ADAMTSL1: variants seen among roughly 807,000 people sequenced by gnomAD.
The protein encoded by ADAMTSL1 is ADAMTS-like protein 1.
ADAMTSL1 carries 126 observed loss-of-function variants against 201.8 expected under a neutral mutation model. The ratio of observed to expected loss-of-function variants is 0.62; its 90% confidence interval spans 0.54 to 0.72. The LOEUF (loss-of-function observed/expected upper bound fraction) is 0.72. Among genes scored for constraint, ADAMTSL1 ranks in the 30% least tolerant of loss-of-function variants. The pLI is 0.00. For synonymous variants in ADAMTSL1, 1,121 were observed against 903.4 expected (o/e 1.24, Z -4.32); for missense variants, 2,679 against 2,277.8 (o/e 1.18, Z -3.59).
intron 1 of ADAMTSL1, among the ~76,000 whole-genome samples, chr9:17,933,632 C>T (rs1826889178): frequency 6.6e-6 from 1 of 152,078 alleles, no homozygotes; most frequent in African/African-American, 2.4e-5. Flanking sequence ...GGAAGCATGG[C>T]TGGGGAGGCC....
intron 5 of ADAMTSL1, among the ~76,000 whole-genome samples, chr9:18,632,081 C>CA (rs1826817222): frequency 1.3e-5 from 2 of 152,142 alleles, no homozygotes; most frequent in Admixed American, 1.3e-4. Context: ...GTGGCCCCTG[C>CA]CTCGCCAGCT....
intron 1 of ADAMTSL1, among the ~76,000 whole-genome samples, chr9:17,950,274 A>T (rs933499376): frequency 1.3e-5 from 2 of 152,136 alleles, no homozygotes; most frequent in African/African-American, 4.8e-5. Flanking sequence ...ACCATAGTAC[A>T]GTATTTTACA....
intron 1 of ADAMTSL1, among the ~76,000 whole-genome samples, chr9:18,025,368 T>C (rs1378684754): frequency 1.3e-5 from 2 of 152,308 alleles, no homozygotes; most frequent in Admixed American, 6.5e-5. Flanking sequence ...GGTTTTCTTC[T>C]AGGATTTTTA....
chr9:18,180,532 C>CAAAAAAAAAAAAAAAAAAA (rs71333030), intron 2 of ADAMTSL1, among the ~76,000 whole-genome samples: 1 of 92,148 alleles, frequency 1.1e-5, no homozygotes, highest in Non-Finnish European at 2.0e-5. Flanking sequence ...GACTCCGTGT[C>CAAAAAAAAAAAAAAAAAAA]AAAAAAAAAA....
chr9:18,058,727 T>C (rs1822308139), intron 1 of ADAMTSL1, among the ~76,000 whole-genome samples: 1 of 152,152 alleles, frequency 6.6e-6, no homozygotes, highest in South Asian at 2.1e-4. Flanking sequence ...AGAGAGACTA[T>C]ATTAAAACAT....
At chr9:18,076,822 C>T (rs1012702679) in intron 1 of ADAMTSL1, among the ~76,000 whole-genome samples, 4 of 151,868 alleles carry the variant, frequency 2.6e-5, no homozygotes, top group East Asian at 1.9e-4. Flanking sequence ...GTTTTGATAA[C>T]GTGTGGAGTG....
At chr9:18,287,625 A>AG (rs1563860051) in intron 2 of ADAMTSL1, among the ~76,000 whole-genome samples, 3 of 135,150 alleles carry the variant, frequency 2.2e-5, no homozygotes. Context: ...ATGTGTATAC[A>AG]TATACGCATA....
intron 20 of ADAMTSL1, among the ~76,000 whole-genome samples, chr9:18,814,100 C>T (rs1041382838): frequency 2.0e-5 from 3 of 152,170 alleles, no homozygotes; most frequent in Non-Finnish European, 2.9e-5. Context: ...GATGATACCT[C>T]ACTGTGGTTT....
At chr9:18,811,020 AAAAAAAAAAAAAAAAC>A (rs1823468744) in intron 20 of ADAMTSL1, among the ~76,000 whole-genome samples, 4 of 148,898 alleles carry the variant, frequency 2.7e-5, no homozygotes, top group Non-Finnish European at 5.9e-5. Flanking sequence ...ACCAAAAAAA[AAAAAAAAAAAAAAAAC>A]AAACACCAGC....
chr9:18,831,080 A>G (rs1023712655), intron 23 of ADAMTSL1, among the ~76,000 whole-genome samples: 1 of 152,132 alleles, frequency 6.6e-6, no homozygotes, highest in African/African-American at 2.4e-5. Flanking sequence ...CAGAAACATG[A>G]CCCTCAATTT....
chr9:18,051,856 G>T (rs1272555154), intron 1 of ADAMTSL1, among the ~76,000 whole-genome samples: 1 of 152,194 alleles, frequency 6.6e-6, no homozygotes, highest in Non-Finnish European at 1.5e-5. Context: ...AAAAGTAGGT[G>T]ACCACGTCAA....
chr9:17,919,400 A>G (rs1306434871), intron 1 of ADAMTSL1, among the ~76,000 whole-genome samples: 2 of 151,998 alleles, frequency 1.3e-5, no homozygotes, highest in African/African-American at 4.8e-5. Context: ...TCACAGTTAC[A>G]TTAAACCATC....
At position 18,058,568 on chromosome 9, in the gene ADAMTSL1, G is replaced by C. The variant is rs143302416; in HGVS notation, c.88-105294G>C. 3.9e-3 allele frequency among the ~76,000 whole-genome samples: 596 copies of C among 151,940 alleles called. 5 individuals carry two copies. The highest frequency in any genetic ancestry group is 0.014 in the African/African-American group (569 of 41,416). On this transcript the variant is annotated intron_variant, in intron 1 of 29. Transcript: ENST00000680146. ...GATTATAACTATAAACGAGGATCTG[G>C]GGATGAATGGAATTTCACTGATAAA...
chr9:18,384,528 C>T (rs1487252083), intron 2 of ADAMTSL1, among the ~76,000 whole-genome samples: 1 of 152,170 alleles, frequency 6.6e-6, no homozygotes, highest in East Asian at 1.9e-4. Flanking sequence ...TCACAGCTCC[C>T]TAAGAAGTCT....
intron 2 of ADAMTSL1, among the ~76,000 whole-genome samples, chr9:18,164,851 T>G (rs1007626121): frequency 3.3e-5 from 5 of 151,938 alleles, no homozygotes; most frequent in African/African-American, 4.8e-5. Flanking sequence ...GTGTCACATG[T>G]GTTTCTTTCA....
At chr9:18,161,617 T>C (rs964193887) in intron 1 of ADAMTSL1, among the ~76,000 whole-genome samples, 1 of 152,058 alleles carries the variant, frequency 6.6e-6, no homozygotes, top group Non-Finnish European at 1.5e-5. Context: ...AGCCATTCCT[T>C]ACCTAGAGCT....
chr9:18,422,943 T>A (rs551302083), intron 2 of ADAMTSL1, among the ~76,000 whole-genome samples: 1 of 152,170 alleles, frequency 6.6e-6, no homozygotes, highest in South Asian at 2.1e-4. Context: ...TGTTATCCAA[T>A]AGTGTTAATT....
chr9:18,160,825 A>C, intron 1 of ADAMTSL1, among the ~76,000 whole-genome samples: 1 of 148,330 alleles, frequency 6.7e-6, no homozygotes, highest in Non-Finnish European at 1.5e-5. Context: ...GACTACCTGC[A>C]CATACCACCA....
intron 1 of ADAMTSL1, among the ~76,000 whole-genome samples, chr9:18,150,006 G>A (rs1826838433): frequency 1.3e-5 from 2 of 152,038 alleles, no homozygotes; most frequent in South Asian, 4.1e-4. Flanking sequence ...GAACACATTT[G>A]GAAAGGCTGG....
Sources: gnomAD v4.1 joint callset for allele counts (sites outside exome capture counted in the v4.1 genomes callset) on GRCh38, gnomAD v4.1.1 for gene constraint, MANE v1.5 for transcripts, NCBI Gene and HGNC (gene_info 2026-07-23, HGNC 2026-07-21) for gene names.